The following DNER variants were observed in gnomAD, a reference collection of about 807,000 sequenced individuals.
DNER encodes delta and Notch-like epidermal growth factor-related receptor.
DNER carries 33 observed loss-of-function variants against 78.2 expected under a neutral mutation model. The observed-to-expected ratio is 0.42, with a 90% CI of 0.32 to 0.56. The LOEUF is 0.56. Ranked by LOEUF, DNER falls within the 20% of genes least tolerant of loss-of-function variation. DNER has a pLI of 0.11. For synonymous variants in DNER, 417 were observed against 384.8 expected, an observed-to-expected ratio of 1.08 and a Z score of -0.98; for missense variants, 918 against 975.3, an observed-to-expected ratio of 0.94 and a Z score of 0.78.
At chr2:229,538,829 G>A (rs906551170) in intron 5 of DNER, among the ~76,000 whole-genome samples, 7 of 152,230 alleles carry the variant, frequency 4.6e-5, no homozygotes, top group South Asian at 2.1e-4. Context: ...GTGAGCCCCC[G>A]TGCCCGGCCC....
chr2:229,707,314 C>A (rs1398295959), intron 1 of DNER, among the ~76,000 whole-genome samples: 1 of 150,490 alleles, frequency 6.6e-6, no homozygotes, highest in Non-Finnish European at 1.5e-5. Context: ...GGATTATAGG[C>A]GTGAACCACA....
intron 1 of DNER, among the ~76,000 whole-genome samples, chr2:229,658,801 C>A (rs1195503835): frequency 6.6e-6 from 1 of 152,060 alleles, no homozygotes; most frequent in East Asian, 1.9e-4. Context: ...AAATTCTGGC[C>A]AATTTCTAAG....
At position 229,588,485 on chromosome 2, in the gene DNER, T is replaced by C; in HGVS notation, c.589A>G (p.Ile197Val). The C allele has an allele frequency of 6.8e-7, 1 of 1,472,734 alleles. No homozygotes were observed. The highest frequency in any genetic ancestry group is 9.1e-7 in the Non-Finnish European group (1 of 1,095,364). 91.2% of individuals were successfully genotyped at this position (1,472,734 alleles called of 1,614,324 possible). ...GCATTCCCACAGGCAATATCTGGGA[T>C]CACCTGGGAAGGGAAAAAAAAAACG... ...VEMKWDQVEV[I>V]PDIACGNASS... The change falls in exon 3 of 13, where the codon ATC (isoleucine) becomes GTC (valine). Residue 197 changes from isoleucine to valine, a missense_variant. Coordinates refer to ENST00000341772, the MANE Select transcript of DNER (RefSeq NM_139072.4).
intron 11 of DNER, among the ~76,000 whole-genome samples, chr2:229,382,397 G>A (rs1399894293): frequency 6.6e-6 from 1 of 152,148 alleles, no homozygotes; most frequent in East Asian, 1.9e-4. Flanking sequence ...CGAGGGAACA[G>A]AACTGGACAG....
chr2:229,701,031 T>C (rs1285967608), intron 1 of DNER, among the ~76,000 whole-genome samples: 2 of 152,200 alleles, frequency 1.3e-5, no homozygotes, highest in African/African-American at 4.8e-5. Context: ...GCTTCACATA[T>C]GCTTATACAT....
intron 7 of DNER, among the ~76,000 whole-genome samples, chr2:229,473,866 G>A (rs1457936641): frequency 6.6e-6 from 1 of 152,140 alleles, no homozygotes; most frequent in African/African-American, 2.4e-5. Context: ...CTCTCAGCAT[G>A]TCTGATGTGA....
chr2:229,695,356 T>C (rs1213378603), intron 1 of DNER, among the ~76,000 whole-genome samples: 1 of 152,172 alleles, frequency 6.6e-6, no homozygotes, highest in Non-Finnish European at 1.5e-5. Context: ...ACCTAGCATG[T>C]AACCCTTCAT....
chr2:229,440,241 G>GC lies in DNER; in HGVS notation c.1486+7074dup, dbSNP rs538568789. Among the ~76,000 whole-genome samples, 9 of 152,274 alleles carry GC rather than the reference G, an allele frequency of 5.9e-5. No individual in the cohort carries two copies. In the South Asian group the frequency reaches 1.7e-3, roughly 28 times the overall value. ...CAAATATCACGAATTCTACCTGAAT[G>GC]CCCCCACAACTTACAATCAAACAAG... On this transcript the variant is annotated intron_variant, in intron 8 of 12. Coordinates refer to ENST00000341772, the MANE Select transcript of DNER (RefSeq NM_139072.4).
At chr2:229,555,876 C>T (rs1356966690) in intron 4 of DNER, among the ~76,000 whole-genome samples, 2 of 152,014 alleles carry the variant, frequency 1.3e-5, no homozygotes, top group Non-Finnish European at 2.9e-5. Flanking sequence ...AGTTCTTATT[C>T]CAAGTAACAC....
chr2:229,420,943 G>T (rs1693750084), intron 8 of DNER, among the ~76,000 whole-genome samples: 1 of 152,140 alleles, frequency 6.6e-6, no homozygotes, highest in Non-Finnish European at 1.5e-5. Flanking sequence ...TCGAAAACAG[G>T]ATCTGGAGAA....
chr2:229,407,672 T>C (rs149730217), intron 9 of DNER, among the ~76,000 whole-genome samples: 1,661 of 152,160 alleles, frequency 0.011, 13 homozygotes, highest in Non-Finnish European at 0.016. Context: ...GCTTTATAAG[T>C]CTCCAAAAGA....
At chr2:229,418,029 A>G (rs1693686955) in intron 9 of DNER, 79 bp downstream of exon 9, 2 of 1,600,898 alleles carry the variant, frequency 1.2e-6, no homozygotes, top group South Asian at 2.2e-5. Flanking sequence ...GTCCAATTAG[A>G]GGTTTATGCA....
chr2:229,690,230 C>T (rs1039960256), intron 1 of DNER, among the ~76,000 whole-genome samples: 1 of 152,128 alleles, frequency 6.6e-6, no homozygotes, highest in African/African-American at 2.4e-5. Flanking sequence ...TTAAAGCTCA[C>T]CTAGAGGTCT....
At chr2:229,512,671 A>G in intron 6 of DNER, 112 bp downstream of exon 6, 1 of 1,418,704 alleles carries the variant, frequency 7.0e-7, no homozygotes, top group Admixed American at 2.1e-5. Context: ...AAAAGAACTT[A>G]CTCATGTAAC....
At chr2:229,557,916 AC>A (rs1696883121) in intron 4 of DNER, among the ~76,000 whole-genome samples, 1 of 152,148 alleles carries the variant, frequency 6.6e-6, no homozygotes, top group Non-Finnish European at 1.5e-5. Flanking sequence ...TATTATAAAG[AC>A]ACCTACATGT....
At chr2:229,365,204 G>A (rs536931165) in intron 12 of DNER, among the ~76,000 whole-genome samples, 7 of 152,226 alleles carry the variant, frequency 4.6e-5, no homozygotes, top group Admixed American at 1.3e-4. Flanking sequence ...AAGGGCAGAC[G>A]TGTCCCAAAG....
chr2:229,537,105 C>A (rs920805220), intron 5 of DNER, among the ~76,000 whole-genome samples: 2 of 151,910 alleles, frequency 1.3e-5, no homozygotes, highest in African/African-American at 4.8e-5. Context: ...GCTTGCGTAG[C>A]ATCTCGGGGC....
chr2:229,578,103 G>A (rs1215691631), intron 4 of DNER, among the ~76,000 whole-genome samples: 1 of 152,192 alleles, frequency 6.6e-6, no homozygotes, highest in Non-Finnish European at 1.5e-5. Flanking sequence ...AGTACCAAGA[G>A]GTGAATTTCC....
At chr2:229,673,206 T>C (rs954838369) in intron 1 of DNER, among the ~76,000 whole-genome samples, 13 of 152,138 alleles carry the variant, frequency 8.5e-5, no homozygotes, top group African/African-American at 3.1e-4. Flanking sequence ...TTGAACTGAA[T>C]CAAAATAAAT....
Sources: gnomAD v4.1 joint callset for allele counts (sites outside exome capture counted in the v4.1 genomes callset) on GRCh38, gnomAD v4.1.1 for gene constraint, MANE v1.5 for transcripts, NCBI Gene and HGNC (gene_info 2026-07-23, HGNC 2026-07-21) for gene names.